The following ANKS1B variants were observed in gnomAD, a reference collection of about 807,000 sequenced individuals.
The protein encoded by ANKS1B is ankyrin repeat and sterile alpha motif domain containing 1B, also known as ankyrin repeat and sterile alpha motif domain-containing protein 1B.
A neutral mutation model predicts 148.3 loss-of-function variants in ANKS1B; 36 were observed. The ratio of observed to expected loss-of-function variants is 0.24; its 90% CI spans 0.19 to 0.32. ANKS1B has a LOEUF of 0.32. ANKS1B is among the 10% of genes least tolerant of loss of function. The pLI, the probability that ANKS1B is intolerant of heterozygous loss-of-function variation, is 1.00. For missense variants in ANKS1B, 1,157 were observed against 1,542.6 expected (o/e 0.75, Z 4.19); for synonymous variants, 542 against 560.8 (o/e 0.97, Z 0.47).
At chr12:98,894,867 G>C (rs1218216762) in intron 17 of ANKS1B, 1 of 979,112 alleles carries the variant, frequency 1.0e-6, no homozygotes, top group Admixed American at 6.4e-5. Context: ...CTCCCCGCGA[G>C]CTCCCCGGGC....
At chr12:99,390,769 A>G (rs1234326535) in intron 12 of ANKS1B, among the ~76,000 whole-genome samples, 1 of 152,212 alleles carries the variant, frequency 6.6e-6, no homozygotes, top group Non-Finnish European at 1.5e-5. Context: ...TGAGACCCAG[A>G]GGTACCTGGA....
intron 12 of ANKS1B, among the ~76,000 whole-genome samples, chr12:99,330,587 G>A (rs2087318827): frequency 6.6e-6 from 1 of 152,008 alleles, no homozygotes; most frequent in Non-Finnish European, 1.5e-5. Flanking sequence ...ATTGGAGGTG[G>A]GAAGGGGTCA....
intron 9 of ANKS1B, chr12:99,648,252 G>C: frequency 1.2e-6 from 2 of 1,614,216 alleles, no homozygotes; most frequent in Non-Finnish European, 1.7e-6. Context: ...CCTCCATGGG[G>C]AAGCTGCAGC....
At chr12:99,683,093 T>C (rs1041195202) in intron 8 of ANKS1B, among the ~76,000 whole-genome samples, 1 of 152,140 alleles carries the variant, frequency 6.6e-6, no homozygotes, top group African/African-American at 2.4e-5. Flanking sequence ...GTGAGACTTA[T>C]ACACTACCAT....
intron 17 of ANKS1B, among the ~76,000 whole-genome samples, chr12:98,877,500 A>G (rs1463209303): frequency 6.6e-6 from 1 of 152,252 alleles, no homozygotes; most frequent in Non-Finnish European, 1.5e-5. Flanking sequence ...AGAAATCCAA[A>G]TTAGCTTTCT....
At chr12:99,436,267 C>T (rs944454727) in intron 11 of ANKS1B, among the ~76,000 whole-genome samples, 5 of 152,144 alleles carry the variant, frequency 3.3e-5, no homozygotes, top group African/African-American at 1.2e-4. Context: ...GGAAAAACTA[C>T]TGAAGTTAGG....
At chr12:99,244,654 T>C (rs184859202) in intron 13 of ANKS1B, among the ~76,000 whole-genome samples, 10 of 152,340 alleles carry the variant, frequency 6.6e-5, no homozygotes, top group Non-Finnish European at 1.3e-4. Context: ...TTTCTTTGTG[T>C]TTCTTGAAAT....
At chr12:99,887,645 C>A (rs146257277) in intron 1 of ANKS1B, among the ~76,000 whole-genome samples, 1 of 152,102 alleles carries the variant, frequency 6.6e-6, no homozygotes, top group Admixed American at 6.5e-5. Flanking sequence ...ATGACTTTTC[C>A]CACATTTAAA....
At chr12:98,758,635 T>C (rs116710109) in intron 25 of ANKS1B, among the ~76,000 whole-genome samples, 7,050 of 152,228 alleles carry the variant, frequency 0.046, 207 homozygotes, top group African/African-American at 0.087. Flanking sequence ...CCATCCTCAG[T>C]AGTGGCTATT....
chr12:99,522,984 C>T (rs997096083), intron 9 of ANKS1B, among the ~76,000 whole-genome samples: 1 of 152,138 alleles, frequency 6.6e-6, no homozygotes, highest in Non-Finnish European at 1.5e-5. Flanking sequence ...CAATCAGGAA[C>T]CCAGAGGTAG....
At chr12:99,708,563 T>G (rs1457860286) in intron 8 of ANKS1B, among the ~76,000 whole-genome samples, 1 of 152,180 alleles carries the variant, frequency 6.6e-6, no homozygotes, top group African/African-American at 2.4e-5. Context: ...CAGCTACTAG[T>G]GGCTATGCTA....
At chr12:99,387,041 G>C (rs2093889163) in intron 12 of ANKS1B, among the ~76,000 whole-genome samples, 1 of 152,166 alleles carries the variant, frequency 6.6e-6, no homozygotes, top group African/African-American at 2.4e-5. Flanking sequence ...TTTGAGACAT[G>C]GTCCCTGCAT....
chr12:99,499,178 A>G (rs529440796), intron 10 of ANKS1B, among the ~76,000 whole-genome samples: 85 of 152,254 alleles, frequency 5.6e-4, no homozygotes, highest in African/African-American at 2.0e-3. Flanking sequence ...AACTGTTTTG[A>G]TCTATATTCA....
intron 1 of ANKS1B, among the ~76,000 whole-genome samples, chr12:99,861,751 A>C (rs1052257452): frequency 6.6e-6 from 1 of 152,236 alleles, no homozygotes; most frequent in African/African-American, 2.4e-5. Context: ...GAACAACAAT[A>C]AAGAAGTTCA....
At chr12:99,249,871 C>A (rs888505704) in intron 12 of ANKS1B, among the ~76,000 whole-genome samples, 1 of 152,248 alleles carries the variant, frequency 6.6e-6, no homozygotes, top group Admixed American at 6.5e-5. Context: ...ACCATGTGAA[C>A]AAGCCAGGCT....
chr12:99,622,677 A>C (rs2098068495), intron 9 of ANKS1B, among the ~76,000 whole-genome samples: 1 of 151,754 alleles, frequency 6.6e-6, no homozygotes, highest in Non-Finnish European at 1.5e-5. Context: ...GAAACACACA[A>C]CCTCCCAAAA....
intron 7 of ANKS1B, among the ~76,000 whole-genome samples, chr12:99,774,988 G>A (rs1458408515): frequency 6.6e-6 from 1 of 152,046 alleles, no homozygotes; most frequent in Non-Finnish European, 1.5e-5. Flanking sequence ...AATGCCAGGG[G>A]CTGGGGAGTG....
chr12:99,442,238 C>T (rs1010298637), intron 11 of ANKS1B, among the ~76,000 whole-genome samples: 54 of 151,842 alleles, frequency 3.6e-4, no homozygotes, highest in African/African-American at 1.3e-3. Flanking sequence ...CTATGTTACC[C>T]AGACTGGTCT....
At chr12:99,422,035 G>A (rs957878816) in intron 11 of ANKS1B, among the ~76,000 whole-genome samples, 8 of 152,266 alleles carry the variant, frequency 5.3e-5, no homozygotes, top group Middle Eastern at 3.4e-3. Context: ...CCAAGTAGAC[G>A]GTGGAGCCAT....
Sources: gnomAD v4.1 joint callset for allele counts (sites outside exome capture counted in the v4.1 genomes callset) on GRCh38, gnomAD v4.1.1 for gene constraint, MANE v1.5 for transcripts, NCBI Gene and HGNC (gene_info 2026-07-23, HGNC 2026-07-21) for gene names.